Variants in HYCC1 observed in about 807,000 individuals in gnomAD.
HYCC1 encodes the protein hyccin PI4KA lipid kinase complex subunit 1.
At chr7:22,925,064 G>A in the HYCC1 span, among the ~76,000 whole-genome samples, 2 of 152,256 alleles carry the variant, frequency 1.3e-5, no homozygotes, top group Admixed American at 6.5e-5. Flanking sequence ...TGATACCCAG[G>A]CAAACAGAGT....
the HYCC1 span, among the ~76,000 whole-genome samples, chr7:23,000,894 A>G: frequency 1.0e-4 from 15 of 150,592 alleles, no homozygotes; most frequent in African/African-American, 2.7e-4. Flanking sequence ...TGAAAATTTA[A>G]CTAACTACTT....
At chr7:23,004,534 T>G in the HYCC1 span, among the ~76,000 whole-genome samples, 4 of 152,312 alleles carry the variant, frequency 2.6e-5, no homozygotes, top group East Asian at 7.7e-4. Flanking sequence ...TATGACATAT[T>G]TGATGTTCTC....
At chr7:22,956,743 G>A in the HYCC1 span, among the ~76,000 whole-genome samples, 7 of 151,622 alleles carry the variant, frequency 4.6e-5, no homozygotes, top group Non-Finnish European at 8.8e-5. Flanking sequence ...ACTCAATTTG[G>A]CTGTTAACCT....
the HYCC1 span, among the ~76,000 whole-genome samples, chr7:22,973,896 C>T: frequency 2.0e-5 from 3 of 152,024 alleles, no homozygotes; most frequent in East Asian, 3.9e-4. Flanking sequence ...CTAACTTTTC[C>T]GTCAGTAGTT....
At chr7:22,917,541 C>T in the HYCC1 span, among the ~76,000 whole-genome samples, 2 of 152,166 alleles carry the variant, frequency 1.3e-5, no homozygotes, top group Non-Finnish European at 2.9e-5. Context: ...AACTAAAATA[C>T]CTCTTGGTCT....
the HYCC1 span, among the ~76,000 whole-genome samples, chr7:22,925,190 A>T: frequency 6.6e-6 from 1 of 152,228 alleles, no homozygotes; most frequent in Non-Finnish European, 1.5e-5. Flanking sequence ...GTACGTCACC[A>T]TCATCAAAGA....
the HYCC1 span, among the ~76,000 whole-genome samples, chr7:22,903,138 G>A: frequency 6.6e-6 from 1 of 152,124 alleles, no homozygotes; most frequent in Non-Finnish European, 1.5e-5. Flanking sequence ...ATAAAATAAA[G>A]CAGCCACTGT....
the HYCC1 span, among the ~76,000 whole-genome samples, chr7:22,950,724 G>A: frequency 1.3e-5 from 2 of 151,748 alleles, no homozygotes; most frequent in Admixed American, 1.3e-4. Flanking sequence ...TTTTTATTAT[G>A]TTATCCAGAG....
chr7:22,987,284 C>T, the HYCC1 span, among the ~76,000 whole-genome samples: 2 of 152,194 alleles, frequency 1.3e-5, no homozygotes, highest in Non-Finnish European at 2.9e-5. Flanking sequence ...CGGTGGCTCA[C>T]GCCTGTAATC....
chr7:22,934,480 A>T, the HYCC1 span: 5 of 152,110 alleles, frequency 3.3e-5, no homozygotes, highest in South Asian at 2.1e-4. Context: ...TCCATAATGG[A>T]AGAAGTAGCT....
At chr7:22,958,424 T>A in the HYCC1 span, among the ~76,000 whole-genome samples, 1 of 152,154 alleles carries the variant, frequency 6.6e-6, no homozygotes, top group Non-Finnish European at 1.5e-5. Flanking sequence ...CATTCACTTC[T>A]ATATTCTCAT....
chr7:22,945,427 C>T, the HYCC1 span: 1 of 629,850 alleles, frequency 1.6e-6, no homozygotes. Context: ...CAACTTACTG[C>T]AACCTAGACA....
chr7:22,916,894 G>A, the HYCC1 span, among the ~76,000 whole-genome samples: 3 of 152,134 alleles, frequency 2.0e-5, no homozygotes, highest in Non-Finnish European at 4.4e-5. Context: ...TATACTGACT[G>A]TAAATATGCC....
At chr7:22,980,191 A>G in the HYCC1 span, among the ~76,000 whole-genome samples, 52,560 of 151,718 alleles carry the variant, frequency 0.35, 9,159 homozygotes, top group East Asian at 0.47. Context: ...AGTGTCTGAC[A>G]TATCTAACTT....
At chr7:22,905,466 C>T in the HYCC1 span, among the ~76,000 whole-genome samples, 1 of 143,164 alleles carries the variant, frequency 7.0e-6, no homozygotes, top group Non-Finnish European at 1.5e-5. Flanking sequence ...AACTCTTGAC[C>T]TCAAGTGATC....
chr7:22,953,854 C>A, the HYCC1 span, among the ~76,000 whole-genome samples: 1 of 151,618 alleles, frequency 6.6e-6, no homozygotes, highest in Non-Finnish European at 1.5e-5. Context: ...TGGAGCTTCT[C>A]AAAATGATAC....
the HYCC1 span, among the ~76,000 whole-genome samples, chr7:23,002,158 AT>A: frequency 0.38 from 20,366 of 54,120 alleles, 1,895 homozygotes; most frequent in East Asian, 0.48. Context: ...ATATATATAT[AT>A]ATATATATAT....
At chr7:23,011,988 G>A in the HYCC1 span, among the ~76,000 whole-genome samples, 19 of 152,118 alleles carry the variant, frequency 1.2e-4, no homozygotes, top group African/African-American at 4.6e-4. Context: ...TATTATAATT[G>A]TTAATTTACT....
chr7:22,973,048 C>A, the HYCC1 span, among the ~76,000 whole-genome samples: 1 of 152,192 alleles, frequency 6.6e-6, no homozygotes, highest in East Asian at 1.9e-4. Context: ...CCCAGTCAAT[C>A]ATTTTGGTAT....
Sources: allele counts gnomAD v4.1 joint callset (sites outside exome capture counted in the v4.1 genomes callset), GRCh38; gene constraint gnomAD v4.1.1; transcripts MANE v1.5; gene names NCBI Gene and HGNC (gene_info 2026-07-23, HGNC 2026-07-21).